PIEZO2: variants seen among roughly 807,000 people sequenced by gnomAD.
PIEZO2 encodes piezo type mechanosensitive ion channel component 2.
A neutral mutation model predicts 337.3 loss-of-function variants in PIEZO2; 172 were observed. The ratio of observed to expected loss-of-function variants is 0.51; its 90% confidence interval spans 0.45 to 0.58. PIEZO2 has a LOEUF of 0.58. Ranked by LOEUF, PIEZO2 falls within the 20% of genes least tolerant of loss-of-function variation. The pLI is 0.00. For missense variants in PIEZO2, 3,028 were observed against 3,391.3 expected, an observed-to-expected ratio of 0.89 and a Z score of 2.66; for synonymous variants, 1,251 against 1,228.5, an observed-to-expected ratio of 1.02 and a Z score of -0.38.
rs1441304749 is a variant in PIEZO2 at position 10,773,703 on chromosome 18, G to A, written c.2568-74C>T. The A allele has an allele frequency of 1.5e-5, 21 of 1,370,694 alleles. No individual in the cohort carries two copies. The highest frequency in any genetic ancestry group is 1.8e-5 in the Non-Finnish European group (18 of 998,684). 84.9% of individuals were successfully genotyped at this position (1,370,694 alleles called of 1,614,324 possible). On this transcript the variant is annotated intron_variant, in intron 19 of 55. Coordinates refer to ENST00000674853, the MANE Select transcript of PIEZO2 (RefSeq NM_001378183.1). The surrounding 1 kb of genome is among the most constrained non-coding windows in gnomAD (Gnocchi z 5.3). ...GATTTGACTGAGGGGCAAGTAAAAGGAGGATAAACACAAATGAAATCAGTG... is the reference window on the plus strand; with the variant it reads ...GATTTGACTGAGGGGCAAGTAAAAGAAGGATAAACACAAATGAAATCAGTG...
intron 3 of PIEZO2, among the ~76,000 whole-genome samples, chr18:10,948,167 A>T (rs1465953713): frequency 6.6e-6 from 1 of 152,092 alleles, no homozygotes; most frequent in African/African-American, 2.4e-5. Context: ...TTTTATTGCT[A>T]ATCTGCATGT....
chr18:10,953,524 T>C lies in PIEZO2; in HGVS notation c.286+26011A>G, dbSNP rs2145328140. On this transcript the variant is annotated intron_variant, in intron 3 of 55. Coordinates refer to ENST00000674853, the MANE Select transcript of PIEZO2 (RefSeq NM_001378183.1). The surrounding 1 kb of genome is among the most constrained non-coding windows in gnomAD (Gnocchi z 5.2). ...CTTCACAAAATTGAATTTGTATCTC[T>C]ATGGAAAATCAAGTGGCCGTGCACA... Among the ~76,000 whole-genome samples, 1 of 152,298 alleles carries C rather than the reference T, an allele frequency of 6.6e-6. No individual in the cohort carries two copies. Among genetic ancestry groups the C allele is most frequent in the South Asian group, 2.1e-4 (1 of 4,822 alleles).
intron 1 of PIEZO2, among the ~76,000 whole-genome samples, chr18:11,087,142 G>C (rs1360141995): frequency 6.6e-6 from 1 of 152,142 alleles, no homozygotes; most frequent in Non-Finnish European, 1.5e-5. Context: ...CAGCAAGGGG[G>C]GCTGTCTATG....
Position 11,019,670 on chromosome 18 carries a change from C to G in PIEZO2, c.161-40010G>C, listed in dbSNP as rs551175109. Among the ~76,000 whole-genome samples the G allele has an allele frequency of 5.3e-5, 8 of 152,222 alleles. No homozygotes were observed. In the South Asian group the frequency reaches 1.7e-3, roughly 32 times the overall value. On this transcript the variant is annotated intron_variant, in intron 2 of 55. Coordinates refer to ENST00000674853, the MANE Select transcript of PIEZO2 (RefSeq NM_001378183.1). ...GTTTTATATTGATGCTCTTGTCATC[C>G]TCAGGCTGGACAGAGTGCACTTACC...
At chr18:10,810,819 T>C (rs541183506) in intron 7 of PIEZO2, among the ~76,000 whole-genome samples, 10 of 152,290 alleles carry the variant, frequency 6.6e-5, no homozygotes, top group African/African-American at 2.2e-4. Flanking sequence ...CAGAGCTTCA[T>C]AGACTCTCTG....
At chr18:11,076,065 C>T (rs1039279776) in intron 1 of PIEZO2, among the ~76,000 whole-genome samples, 31 of 152,170 alleles carry the variant, frequency 2.0e-4, no homozygotes, top group African/African-American at 7.0e-4. Flanking sequence ...GGATTACAGG[C>T]GTGAGCCACC....
rs371877070 is a variant in PIEZO2, at chr18:10,697,754, A to T, written c.6821T>A (p.Ile2274Lys). ...EHLIKAKAFTIKKTLEIYVPI... is the reference protein window; with the variant it reads ...EHLIKAKAFTKKKTLEIYVPI... ...TATGTTCTCATGGACTCACTTCTTTATGGTAAAGGCTTTTGCTTTGATTAA... is the reference window on the plus strand; with the variant it reads ...TATGTTCTCATGGACTCACTTCTTTTTGGTAAAGGCTTTTGCTTTGATTAA... Residue 2274 changes from isoleucine to lysine, a missense_variant, in exon 45 of 56, where the codon ATA becomes AAA. Coordinates refer to ENST00000674853, the MANE Select transcript of PIEZO2 (RefSeq NM_001378183.1). 6.2e-7 allele frequency: 1 copy of T among 1,613,566 alleles called. No homozygotes were observed. Among genetic ancestry groups the T allele is most frequent in the African/African-American group, 1.3e-5 (1 of 74,834 alleles).
chr18:10,760,449 C>A (rs369224113), intron 24 of PIEZO2, among the ~76,000 whole-genome samples: 1 of 152,140 alleles, frequency 6.6e-6, no homozygotes, highest in Admixed American at 6.5e-5. Context: ...TGATTACAGG[C>A]GTGCACCACC....
chr18:11,127,695 T>C lies in PIEZO2; in HGVS notation c.64+20830A>G, dbSNP rs1328779419. The stretch of plus-strand genomic sequence containing the variant: ...TAATAAACTCCCCTTTATATATATA[T>C]ACATATATATGTCATGTATATATAT... On this transcript the variant is annotated intron_variant, in intron 1 of 55. Transcript: ENST00000674853. This position sits in a 1 kb window ranked among gnomAD's most constrained non-coding sequence, Gnocchi z 4.5. Among the ~76,000 whole-genome samples the C allele has an allele frequency of 5.3e-5, 8 of 151,650 alleles. No individual in the cohort carries two copies. The highest frequency in any genetic ancestry group is 1.9e-4 in the African/African-American group (8 of 41,296).
chr18:11,007,820 G>T (rs1200474412), intron 2 of PIEZO2, among the ~76,000 whole-genome samples: 1 of 152,038 alleles, frequency 6.6e-6, no homozygotes, highest in Non-Finnish European at 1.5e-5. Flanking sequence ...TATACTTTCA[G>T]ACAAACAAAA....
chr18:10,936,962 T>C (rs1479010237), intron 3 of PIEZO2, among the ~76,000 whole-genome samples: 1 of 152,168 alleles, frequency 6.6e-6, no homozygotes, highest in Non-Finnish European at 1.5e-5. Flanking sequence ...TCCCTTACGG[T>C]CCTGGAGATC....
At chr18:10,991,310 C>T (rs1263551853) in intron 2 of PIEZO2, among the ~76,000 whole-genome samples, 1 of 151,770 alleles carries the variant, frequency 6.6e-6, no homozygotes, top group Admixed American at 6.6e-5. Flanking sequence ...ATACATGTGC[C>T]ATGGTGGTTT....
At position 10,954,768 on chromosome 18, in the gene PIEZO2, C is replaced by A. The variant is rs1280452477; in HGVS notation, c.286+24767G>T. 3.3e-5 allele frequency among the ~76,000 whole-genome samples: 5 copies of A among 152,198 alleles called. No homozygotes were observed. Among genetic ancestry groups the A allele is most frequent in the Admixed American group, 2.6e-4 (4 of 15,280 alleles). ...CAGGGGAGACCAGGAGGACCTGAAG[C>A]AACGCATGAGAAGCATCTGACGCTA... On this transcript the variant is annotated intron_variant, in intron 3 of 55. Transcript: ENST00000674853. The surrounding 1 kb of genome is among the most constrained non-coding windows in gnomAD (Gnocchi z 4.2).
At chr18:10,858,380 A>T (rs939413747) in intron 5 of PIEZO2, among the ~76,000 whole-genome samples, 1 of 151,678 alleles carries the variant, frequency 6.6e-6, no homozygotes, top group Non-Finnish European at 1.5e-5. Flanking sequence ...TCATAAATAA[A>T]GCCATCACCT....
At position 10,726,904 on chromosome 18, in the gene PIEZO2, G is replaced by C; in HGVS notation, c.5029+4503C>G. ...GCACATCATGGCCACCAACCGGCTG[G>C]ATGTGGCGGAGCTGGGTCGCCTGCT... On this transcript the variant is annotated intron_variant, in intron 36 of 55. Coordinates refer to ENST00000674853, the MANE Select transcript of PIEZO2 (RefSeq NM_001378183.1). The surrounding 1 kb of genome is among the most constrained non-coding windows in gnomAD (Gnocchi z 5.9). The C allele has an allele frequency of 2.5e-6, 4 of 1,585,818 alleles. No homozygotes were observed. The highest frequency in any genetic ancestry group is 3.4e-6 in the Non-Finnish European group (4 of 1,162,636).
At chr18:11,118,158 G>T (rs1410570235) in intron 1 of PIEZO2, among the ~76,000 whole-genome samples, 2 of 152,098 alleles carry the variant, frequency 1.3e-5, no homozygotes, top group African/African-American at 4.8e-5. Context: ...ATTCCTCAGG[G>T]TACAGATGTC....
In PIEZO2 at chr18:10,878,607, T is replaced by C. The variant is rs2042328333; in HGVS notation, c.330-7192A>G. Among the ~76,000 whole-genome samples, 1 of 152,148 alleles carries C rather than the reference T, an allele frequency of 6.6e-6. No individual in the cohort carries two copies. The highest frequency in any genetic ancestry group is 1.5e-5 in the Non-Finnish European group (1 of 68,028). ...AGAAATGAAGTGTATCTAATGAACA[T>C]TAAATGGCTCAATTTGACAGAATTT... On this transcript the variant is annotated intron_variant, in intron 4 of 55. Coordinates refer to ENST00000674853, the MANE Select transcript of PIEZO2 (RefSeq NM_001378183.1). This position sits in a 1 kb window ranked among gnomAD's most constrained non-coding sequence, Gnocchi z 4.3.
At position 10,969,230 on chromosome 18, in the gene PIEZO2, T is replaced by A. The variant is rs1230364462; in HGVS notation, c.286+10305A>T. Among the ~76,000 whole-genome samples, 1 of 152,224 alleles carries A rather than the reference T, an allele frequency of 6.6e-6. No individual in the cohort carries two copies. On this transcript the variant is annotated intron_variant, in intron 3 of 55. Coordinates refer to ENST00000674853, the MANE Select transcript of PIEZO2 (RefSeq NM_001378183.1). This position sits in a 1 kb window ranked among gnomAD's most constrained non-coding sequence, Gnocchi z 4.5. ...TACTTCCATACCACACGGACTTGCGTTAGTGCTTTTATTGTAAATAATTTA... is the reference window on the plus strand; with the variant it reads ...TACTTCCATACCACACGGACTTGCGATAGTGCTTTTATTGTAAATAATTTA...
rs753545159 is a variant in PIEZO2, at chr18:10,761,025, C to T, written c.3336G>A (p.Thr1112=). 1.3e-5 allele frequency: 20 copies of T among 1,536,650 alleles called. No individual in the cohort carries two copies. The highest frequency in any genetic ancestry group is 5.9e-5 in the South Asian group (5 of 84,054). Residue 1112 remains threonine, a synonymous_variant, in exon 24 of 56, where the codon ACG becomes ACA. Transcript: ENST00000674853. The stretch of plus-strand genomic sequence containing the variant: ...GAAAGATAGTTCTAGACACAGGGGC[C>T]GTCAGGTTATTTCGACCTCGATAGT... The part of the protein sequence containing the change: ...QEYYRGRNNL[T]APVSRTIFHD...
Sources: allele counts gnomAD v4.1 joint callset (sites outside exome capture counted in the v4.1 genomes callset), GRCh38; gene constraint gnomAD v4.1.1; non-coding constraint Gnocchi (gnomAD v3.1); transcripts MANE v1.5; gene names NCBI Gene and HGNC (gene_info 2026-07-23, HGNC 2026-07-21).